The following MAPRE1 variants were observed in gnomAD, a reference collection of about 807,000 sequenced individuals.
MAPRE1 encodes the protein microtubule associated protein RP/EB family member 1.
A neutral mutation model predicts 32.1 loss-of-function variants in MAPRE1; 5 were observed. The observed-to-expected ratio is 0.16, with a 90% CI of 0.08 to 0.33. The LOEUF is 0.33. MAPRE1 is among the 10% of genes least tolerant of loss of function. The pLI is 1.00. For missense variants in MAPRE1, 209 were observed against 327.2 expected (o/e 0.64, Z 2.79); for synonymous variants, 122 against 118.9 (o/e 1.03, Z -0.17).
At chr20:32,828,289 A>G (rs892879075) in intron 2 of MAPRE1, among the ~76,000 whole-genome samples, 2 of 152,102 alleles carry the variant, frequency 1.3e-5, no homozygotes, top group Non-Finnish European at 2.9e-5. Context: ...TTCTGTGACT[A>G]ATGTGAGGAT....
chr20:32,839,909 CG>C, intron 5 of MAPRE1, 53 bp downstream of exon 5: 2 of 1,606,504 alleles, frequency 1.2e-6, no homozygotes, highest in Non-Finnish European at 1.7e-6. Context: ...AGGATCCTTG[CG>C]GTGGCCAGGG....
chr20:32,824,395 T>G (rs1039236506), intron 1 of MAPRE1, among the ~76,000 whole-genome samples: 2 of 152,248 alleles, frequency 1.3e-5, no homozygotes, highest in Non-Finnish European at 2.9e-5. Flanking sequence ...GAAGAGAATG[T>G]GGAGGCTGGG....
chr20:32,824,200 C>G (rs944938561), intron 1 of MAPRE1, among the ~76,000 whole-genome samples: 7 of 152,246 alleles, frequency 4.6e-5, no homozygotes, highest in Non-Finnish European at 5.9e-5. Flanking sequence ...TCTTGCTTTT[C>G]TGTATCCTGG....
intron 1 of MAPRE1, among the ~76,000 whole-genome samples, chr20:32,823,582 A>G (rs767865181): frequency 6.6e-6 from 1 of 152,162 alleles, no homozygotes; most frequent in Non-Finnish European, 1.5e-5. Context: ...ATCTTTTTCA[A>G]ACTGTAATGA....
At chr20:32,820,588 C>G (rs1982669236) in intron 1 of MAPRE1, among the ~76,000 whole-genome samples, 1 of 152,176 alleles carries the variant, frequency 6.6e-6, no homozygotes, top group South Asian at 2.1e-4. Context: ...AGTAAGCCAG[C>G]TCTTGGACTC....
At chr20:32,824,468 A>C (rs1049038086) in intron 1 of MAPRE1, among the ~76,000 whole-genome samples, 1 of 152,374 alleles carries the variant, frequency 6.6e-6, no homozygotes, top group African/African-American at 2.4e-5. Context: ...AATGAGGGAC[A>C]TGAAGTGAAC....
At chr20:32,832,886 G>T (rs1983078011) in intron 2 of MAPRE1, among the ~76,000 whole-genome samples, 2 of 144,870 alleles carry the variant, frequency 1.4e-5, no homozygotes, top group Non-Finnish European at 3.0e-5. Flanking sequence ...AGAGGTTGCG[G>T]TGAGCCGAGA....
chr20:32,849,641 T>C lies in MAPRE1; in HGVS notation c.*913T>C, dbSNP rs1009919692. On this transcript the variant is annotated 3_prime_UTR_variant, in exon 7 of 7. Coordinates refer to ENST00000375571, the MANE Select transcript of MAPRE1 (RefSeq NM_012325.3). ...TTACATTTACCACGTTTCTCTTCTC[T>C]GCTCCCCTTGCCCACTGGGGACTCC... is the stretch of plus-strand genomic sequence containing the variant. The C allele has an allele frequency of 2.6e-5, 4 of 152,672 alleles. No individual in the cohort carries two copies. The highest frequency in any genetic ancestry group is 9.6e-5 in the African/African-American group (4 of 41,462). The allele number at this position is 152,672 out of a possible 1,614,324, so 9.5% of individuals were successfully genotyped here.
chr20:32,835,364 GTTTT>G (rs71190879), intron 3 of MAPRE1, among the ~76,000 whole-genome samples: 1 of 106,658 alleles, frequency 9.4e-6, no homozygotes. Flanking sequence ...TTTTATTGGT[GTTTT>G]TTTTTTTTTT....
At chr20:32,829,157 CCACCTCGGCCTCCCAAAGT>C (rs896344535) in intron 2 of MAPRE1, among the ~76,000 whole-genome samples, 2 of 152,088 alleles carry the variant, frequency 1.3e-5, no homozygotes, top group African/African-American at 4.8e-5. Context: ...TGTGATCCGC[CCACCTCGGCCTCCCAAAGT>C]GCTAGGATTA....
intron 5 of MAPRE1, among the ~76,000 whole-genome samples, chr20:32,844,773 CAT>C (rs1258550736): frequency 1.3e-5 from 2 of 152,222 alleles, no homozygotes; most frequent in Non-Finnish European, 2.9e-5. Flanking sequence ...TGCCACCAGG[CAT>C]GTGATTAGAA....
chr20:32,848,288 C>T (rs1290680267), intron 6 of MAPRE1, among the ~76,000 whole-genome samples: 3 of 152,192 alleles, frequency 2.0e-5, no homozygotes, highest in Middle Eastern at 3.4e-3. Context: ...AAGCCTTGGC[C>T]TTCCAAAGTG....
intron 4 of MAPRE1, among the ~76,000 whole-genome samples, chr20:32,837,254 C>T (rs1012171084): frequency 6.6e-6 from 1 of 152,142 alleles, no homozygotes; most frequent in African/African-American, 2.4e-5. Context: ...AGCTGAACTC[C>T]TTGAAGGAAG....
intron 2 of MAPRE1, among the ~76,000 whole-genome samples, chr20:32,832,994 A>C (rs141983496): frequency 6.6e-6 from 1 of 151,938 alleles, no homozygotes; most frequent in African/African-American, 2.4e-5. Context: ...AATGTCTTCT[A>C]TTCAACTTTG....
intron 2 of MAPRE1, among the ~76,000 whole-genome samples, chr20:32,833,464 T>A (rs1365013523): frequency 6.6e-6 from 1 of 152,232 alleles, no homozygotes; most frequent in African/African-American, 2.4e-5. Context: ...ACAGGAGTTT[T>A]AAAATTTTGT....
intron 2 of MAPRE1, among the ~76,000 whole-genome samples, chr20:32,830,100 A>T (rs1982975426): frequency 6.6e-6 from 1 of 152,170 alleles, no homozygotes; most frequent in Non-Finnish European, 1.5e-5. Context: ...CACTGAATGT[A>T]TTCGGCTCTC....
Position 32,839,871 on chromosome 20 carries a change from G to A in MAPRE1, c.597+15G>A. The A allele has an allele frequency of 6.2e-7, 1 of 1,613,926 alleles. No individual in the cohort carries two copies. The highest frequency in any genetic ancestry group is 1.1e-5 in the South Asian group (1 of 91,066). On this transcript the variant is annotated intron_variant, in intron 5 of 6. Transcript: ENST00000375571. ...TGATGCAGCAGGTGGGCACCCCTGTGTTTAGCACGTGAGTCACCTCGGGGG... is the reference window on the plus strand; with the variant it reads ...TGATGCAGCAGGTGGGCACCCCTGTATTTAGCACGTGAGTCACCTCGGGGG...
intron 1 of MAPRE1, among the ~76,000 whole-genome samples, chr20:32,821,236 C>T (rs556907147): frequency 6.6e-6 from 1 of 152,270 alleles, no homozygotes; most frequent in Admixed American, 6.5e-5. Context: ...AGGCTGTTGT[C>T]GAACTCCTGA....
At chr20:32,843,157 A>T (rs552888188) in intron 5 of MAPRE1, 1 of 152,180 alleles carries the variant, frequency 6.6e-6, no homozygotes, top group African/African-American at 2.4e-5. Flanking sequence ...TTATTTATTT[A>T]TTAAATATAA....
Sources: allele counts gnomAD v4.1 joint callset (sites outside exome capture counted in the v4.1 genomes callset), GRCh38; gene constraint gnomAD v4.1.1; transcripts MANE v1.5; gene names NCBI Gene and HGNC (gene_info 2026-07-23, HGNC 2026-07-21).